The following ADGRL4 variants were observed in gnomAD, a reference collection of about 807,000 sequenced individuals.
ADGRL4 encodes EGF, latrophilin and seven transmembrane domain containing 1.
In ADGRL4, 90 loss-of-function variants were observed where a neutral mutation model predicts 74.8. The observed-to-expected ratio is 1.20, with a 90% confidence interval of 1.02 to 1.43. The LOEUF (loss-of-function observed/expected upper bound fraction) is 1.43. Ranked by LOEUF, ADGRL4 falls within the 40% of genes most tolerant of loss-of-function variation. The pLI, the probability that ADGRL4 is intolerant of heterozygous loss-of-function variation, is 0.00. For synonymous variants in ADGRL4, 311 were observed against 279.2 expected, an observed-to-expected ratio of 1.11 and a Z score of -1.14; for missense variants, 881 against 814.3, an observed-to-expected ratio of 1.08 and a Z score of -1.00.
intron 3 of ADGRL4, among the ~76,000 whole-genome samples, chr1:78,945,196 A>C (rs1026310293): frequency 9.4e-5 from 14 of 148,270 alleles, no homozygotes; most frequent in East Asian, 2.0e-4. Context: ...ATATATATAT[A>C]TCTCAATAGG....
At chr1:78,999,455 C>T (rs929953870) in intron 2 of ADGRL4, among the ~76,000 whole-genome samples, 1 of 152,122 alleles carries the variant, frequency 6.6e-6, no homozygotes, top group African/African-American at 2.4e-5. Context: ...CGCCTGTAGT[C>T]CTAGCTACTC....
At position 78,936,425 on chromosome 1, in the gene ADGRL4, A is replaced by G; in HGVS notation, c.761-14T>C. On this transcript the variant is annotated splice_polypyrimidine_tract_variant and intron_variant, in intron 6 of 14. Coordinates refer to ENST00000370742, the MANE Select transcript of ADGRL4 (RefSeq NM_022159.4). ...AAACTTTGAGAGCTGAAACAAAACCATGAAAATAAAAAAAGTGAAATTACT... is the reference window on the plus strand; with the variant it reads ...AAACTTTGAGAGCTGAAACAAAACCGTGAAAATAAAAAAAGTGAAATTACT... The G allele has an allele frequency of 6.4e-7, 1 of 1,555,418 alleles. No homozygotes were observed. Among genetic ancestry groups the G allele is most frequent in the East Asian group, 2.3e-5 (1 of 43,736 alleles).
At chr1:78,988,471 A>T (rs1650540520) in intron 2 of ADGRL4, among the ~76,000 whole-genome samples, 1 of 151,898 alleles carries the variant, frequency 6.6e-6, no homozygotes, top group Non-Finnish European at 1.5e-5. Context: ...CAAATATTAG[A>T]TCATCTACAG....
chr1:78,959,529 T>A (rs1649902318), intron 2 of ADGRL4, among the ~76,000 whole-genome samples: 1 of 152,182 alleles, frequency 6.6e-6, no homozygotes, highest in Admixed American at 6.5e-5. Flanking sequence ...CTTCAGTTAG[T>A]CATGTCTCCA....
chr1:78,918,135 T>C, intron 10 of ADGRL4, 85 bp from the exon 11 acceptor site: 1 of 1,077,238 alleles, frequency 9.3e-7, no homozygotes, highest in East Asian at 2.5e-5. Flanking sequence ...TCGCTGTAAA[T>C]CACAACTTTC....
intron 7 of ADGRL4, among the ~76,000 whole-genome samples, chr1:78,934,566 A>G (rs894966074): frequency 1.3e-5 from 2 of 152,198 alleles, no homozygotes; most frequent in Non-Finnish European, 2.9e-5. Context: ...ATCTAATTAA[A>G]CTAAAGAGCT....
At chr1:78,996,763 C>T (rs1249774349) in intron 2 of ADGRL4, among the ~76,000 whole-genome samples, 1 of 152,130 alleles carries the variant, frequency 6.6e-6, no homozygotes, top group Non-Finnish European at 1.5e-5. Flanking sequence ...ATGATTATTT[C>T]TCAGCCCATT....
intron 7 of ADGRL4, among the ~76,000 whole-genome samples, chr1:78,932,433 G>C (rs1649260921): frequency 6.6e-6 from 1 of 151,250 alleles, no homozygotes; most frequent in Non-Finnish European, 1.5e-5. Context: ...AGTATTAAGA[G>C]GGAAATTTAT....
intron 2 of ADGRL4, among the ~76,000 whole-genome samples, chr1:78,977,932 T>A (rs1307932784): frequency 6.6e-6 from 1 of 151,832 alleles, no homozygotes; most frequent in Non-Finnish European, 1.5e-5. Flanking sequence ...AGAAAAGACA[T>A]CCAGTAAGTA....
Position 78,920,335 on chromosome 1 carries a change from T to C in ADGRL4, c.1309A>G (p.Ile437Val). The C allele has an allele frequency of 6.2e-7, 1 of 1,607,978 alleles. No homozygotes were observed. The highest frequency in any genetic ancestry group is 1.7e-5 in the Admixed American group (1 of 59,816). Residue 437 changes from isoleucine (I) to valine (V), a missense_variant, in exon 10 of 15, where the codon ATT (isoleucine) becomes GTT (valine). Physicochemically the swap from Ile to Val is conservative, Grantham distance 29. Transcript: ENST00000370742. ...CATATGGCAAGACAAATCAGTGAAA[T>C]AATTATTCCTAGTTGAGTGATCCTT... ...LTRITQLGII[I>V]SLICLAICIF...
At chr1:78,991,727 A>G (rs1488062022) in intron 2 of ADGRL4, among the ~76,000 whole-genome samples, 1 of 152,000 alleles carries the variant, frequency 6.6e-6, no homozygotes, top group Non-Finnish European at 1.5e-5. Flanking sequence ...CCAACTAAGT[A>G]TAATGTTAAT....
chr1:79,003,397 T>TA (rs1650882802), intron 2 of ADGRL4, among the ~76,000 whole-genome samples: 2 of 151,722 alleles, frequency 1.3e-5, no homozygotes, highest in South Asian at 4.1e-4. Context: ...TTTTTTTTTT[T>TA]AAACAGAAAG....
intron 3 of ADGRL4, chr1:78,939,919 C>T (rs1326000111): frequency 6.6e-6 from 1 of 152,570 alleles, no homozygotes; most frequent in Non-Finnish European, 1.5e-5. Context: ...AAGAGAAATA[C>T]TATCATTTAG....
At chr1:78,909,403 A>G (rs891458344) in intron 12 of ADGRL4, among the ~76,000 whole-genome samples, 1 of 151,834 alleles carries the variant, frequency 6.6e-6, no homozygotes, top group Non-Finnish European at 1.5e-5. Context: ...ATCATCCCCC[A>G]GAGGACATGT....
chr1:79,005,208 T>C lies in ADGRL4; in HGVS notation c.34A>G (p.Thr12Ala). 1 of 1,605,016 alleles carries C rather than the reference T, an allele frequency of 6.2e-7. No homozygotes were observed. Among genetic ancestry groups the C allele is most frequent in the Non-Finnish European group, 8.5e-7 (1 of 1,176,960 alleles). The change falls in exon 2 of 15, where the codon ACT (threonine) becomes GCT (alanine). Residue 12 changes from threonine (T) to alanine (A), a missense_variant. Thr to Ala is a moderately conservative substitution (Grantham distance 58). Transcript: ENST00000370742. Reference protein sequence around the residue: ...KRLPLLVVFSTLLNCSYTQNC... With the variant: ...KRLPLLVVFSALLNCSYTQNC... The stretch of plus-strand genomic sequence containing the variant: ...TGAGTATAGGAACAATTCAACAAAG[T>C]GGAAAAAACCACTAAATAAAATAGA...
intron 2 of ADGRL4, among the ~76,000 whole-genome samples, chr1:78,949,218 C>A (rs1208560228): frequency 6.6e-6 from 1 of 152,030 alleles, no homozygotes; most frequent in African/African-American, 2.4e-5. Flanking sequence ...CACTTTATAT[C>A]ACCTAACTGA....
chr1:78,924,442 A>G (rs1649071424), intron 8 of ADGRL4, among the ~76,000 whole-genome samples: 1 of 152,118 alleles, frequency 6.6e-6, no homozygotes, highest in East Asian at 1.9e-4. Flanking sequence ...GGCATCTGAC[A>G]CAGGAGAGGA....
At position 79,005,075 on chromosome 1, in the gene ADGRL4, C is replaced by T. The variant is rs1012978466; in HGVS notation, c.167G>A (p.Cys56Tyr). 5 of 1,611,360 alleles carry T rather than the reference C, an allele frequency of 3.1e-6. No homozygotes were observed. Among genetic ancestry groups the T allele is most frequent in the Non-Finnish European group, 8.5e-7 (1 of 1,178,952 alleles). Residue 56 changes from cysteine to tyrosine, a missense_variant, in exon 2 of 15, where the codon TGT (cysteine) becomes TAT (tyrosine). Physicochemically the swap from Cys to Tyr is radical, Grantham distance 194. Coordinates refer to ENST00000370742, the MANE Select transcript of ADGRL4 (RefSeq NM_022159.4). ...MGFSGNGVTICEDDNECGNLT... is the reference protein window; with the variant it reads ...MGFSGNGVTIYEDDNECGNLT... ...AAGTAACAAAGCTTGTTTACCTTCA[C>T]AAATTGTGACACCATTTCCTGAAAA...
At chr1:78,922,173 C>T (rs2100673429) in intron 8 of ADGRL4, among the ~76,000 whole-genome samples, 1 of 151,992 alleles carries the variant, frequency 6.6e-6, no homozygotes, top group South Asian at 2.1e-4. Flanking sequence ...ACATTAAATT[C>T]TAGTTAGAGA....
Sources: gnomAD v4.1 joint callset for allele counts (sites outside exome capture counted in the v4.1 genomes callset) on GRCh38, gnomAD v4.1.1 for gene constraint, MANE v1.5 for transcripts, NCBI Gene and HGNC (gene_info 2026-07-23, HGNC 2026-07-21) for gene names.